Variants in ITPRID1 observed in about 807,000 individuals in gnomAD.
ITPRID1 encodes the protein protein ITPRID1.
In ITPRID1, 96 loss-of-function variants were observed where a neutral mutation model predicts 95.4. The observed-to-expected ratio is 1.01, with a 90% confidence interval of 0.85 to 1.19. ITPRID1 has a LOEUF of 1.19. ITPRID1 is among the 50% of genes most tolerant of loss of function. ITPRID1 has a pLI of 0.00. For synonymous variants in ITPRID1, 510 were observed against 453.6 expected (o/e 1.12, Z -1.58); for missense variants, 1,339 against 1,252.9 (o/e 1.07, Z -1.04).
intron 10 of ITPRID1, among the ~76,000 whole-genome samples, chr7:31,637,199 G>A (rs1468468548): frequency 1.3e-5 from 2 of 152,120 alleles, no homozygotes; most frequent in East Asian, 1.9e-4. Context: ...ATAAACATAC[G>A]TGTGCATGTG....
chr7:31,643,118 C>T lies in ITPRID1; in HGVS notation c.1748C>T (p.Pro583Leu), dbSNP rs1790173848. 6.2e-7 allele frequency: 1 copy of T among 1,613,930 alleles called. No homozygotes were observed. Among genetic ancestry groups the T allele is most frequent in the Non-Finnish European group, 8.5e-7 (1 of 1,179,874 alleles). The change falls in exon 12 of 15, where the codon CCT becomes CTT. Residue 583 changes from proline (P) to leucine (L), a missense_variant. Transcript: ENST00000615280. Reference protein sequence around the residue: ...VTEMQDSFVRPEGAGKVQSHH... With the variant: ...VTEMQDSFVRLEGAGKVQSHH... ...GAAATGCAGGACAGTTTTGTGAGGC[C>T]TGAGGGAGCTGGCAAAGTGCAAAGC...
At chr7:31,567,907 C>T (rs1784855177) in intron 5 of ITPRID1, among the ~76,000 whole-genome samples, 1 of 152,116 alleles carries the variant, frequency 6.6e-6, no homozygotes, top group Non-Finnish European at 1.5e-5. Context: ...AGGTGGATCG[C>T]TTGAGGCCAG....
Position 31,551,825 on chromosome 7 carries a change from C to T in ITPRID1, c.-23-1177C>T, listed in dbSNP as rs1784292687. On this transcript the variant is annotated intron_variant, in intron 2 of 14. Coordinates refer to ENST00000615280, the MANE Select transcript of ITPRID1 (RefSeq NM_001257967.3). Reference sequence around the variant, plus strand: ...TGATTATGCATTAAGTTTAGGGATCCTAGAAATGCTACTGAAGTAAGTGTT... The same window carrying T: ...TGATTATGCATTAAGTTTAGGGATCTTAGAAATGCTACTGAAGTAAGTGTT... The T allele has an allele frequency of 3.8e-5, 14 of 368,728 alleles. 2 individuals are homozygous for T. The highest frequency in any genetic ancestry group is 2.8e-4 in the South Asian group (14 of 49,906). The allele number at this position is 368,728 out of a possible 1,614,324, so 22.8% of individuals were successfully genotyped here. A position where few individuals can be genotyped will look rare whatever the true frequency, so the allele number is the denominator to read the frequency against.
chr7:31,556,792 C>T (rs1230907143), intron 5 of ITPRID1, among the ~76,000 whole-genome samples: 1 of 151,996 alleles, frequency 6.6e-6, no homozygotes, highest in East Asian at 1.9e-4. Flanking sequence ...CCTAGGGCAG[C>T]AGTAACAAAT....
chr7:31,622,783 C>T (rs1363742336), intron 10 of ITPRID1, among the ~76,000 whole-genome samples: 2 of 151,966 alleles, frequency 1.3e-5, no homozygotes, highest in African/African-American at 4.8e-5. Flanking sequence ...GAAATAGAGA[C>T]ACAAAAAACC....
At chr7:31,632,972 C>T (rs942760649) in intron 10 of ITPRID1, among the ~76,000 whole-genome samples, 7 of 151,944 alleles carry the variant, frequency 4.6e-5, no homozygotes, top group East Asian at 1.9e-4. Context: ...CTGCAACCTC[C>T]GACTCCCTGG....
At chr7:31,631,822 T>C (rs1269526110) in intron 10 of ITPRID1, among the ~76,000 whole-genome samples, 16 of 152,238 alleles carry the variant, frequency 1.1e-4, no homozygotes, top group Admixed American at 7.9e-4. Context: ...ACTTTTGGCA[T>C]AGAAAAATAA....
chr7:31,633,938 C>G (rs1431253516), intron 10 of ITPRID1, among the ~76,000 whole-genome samples: 1 of 152,202 alleles, frequency 6.6e-6, no homozygotes, highest in African/African-American at 2.4e-5. Context: ...TCTGTGAACT[C>G]AGACTATTTT....
chr7:31,658,560 G>T, downstream of ITPRID1: 1 of 417,786 alleles, frequency 2.4e-6, no homozygotes, highest in Non-Finnish European at 4.0e-6. Flanking sequence ...ATTTCAAATT[G>T]TAATTTAAAA....
chr7:31,656,748 G>A (rs993872387), downstream of ITPRID1, among the ~76,000 whole-genome samples: 6 of 152,134 alleles, frequency 3.9e-5, no homozygotes, highest in East Asian at 1.9e-4. Flanking sequence ...CATGTGTGAT[G>A]GAGGAGAGAA....
Position 31,651,952 on chromosome 7 carries a change from C to CA in ITPRID1, c.2727dup (p.Leu910ThrfsTer6). On this transcript the variant is annotated frameshift_variant, in exon 14 of 15. Coordinates refer to ENST00000615280, the MANE Select transcript of ITPRID1 (RefSeq NM_001257967.3). LOFTEE classifies it high-confidence loss of function. ...ATTTACTTGCAGGGAGGAGGCCGAGCAACTGCAAACGTTACGTGAGGCCCT... is the reference window on the plus strand; with the variant it reads ...ATTTACTTGCAGGGAGGAGGCCGAGCAAACTGCAAACGTTACGTGAGGCCCT... 6.3e-7 allele frequency: 1 copy of CA among 1,596,844 alleles called. No individual in the cohort carries two copies. The highest frequency in any genetic ancestry group is 8.5e-7 in the Non-Finnish European group (1 of 1,171,606).
chr7:31,642,699 C>T lies in ITPRID1; in HGVS notation c.1329C>T (p.Asn443=). 6.2e-7 allele frequency: 1 copy of T among 1,613,416 alleles called. No individual in the cohort carries two copies. The highest frequency in any genetic ancestry group is 8.5e-7 in the Non-Finnish European group (1 of 1,179,540). The change falls in exon 12 of 15, where the codon AAC becomes AAT. Residue 443 remains asparagine (N), a synonymous_variant. Transcript: ENST00000615280. ...CCCTACAGATGCCTTCCTTGCCAAA[C>T]AGCCAGAGTCCTGCTGAGAATGGAG... ...PLPLQMPSLP[N]SQSPAENGGR...
intron 10 of ITPRID1, among the ~76,000 whole-genome samples, chr7:31,632,758 G>A (rs1433224207): frequency 2.6e-5 from 4 of 152,074 alleles, no homozygotes; most frequent in Non-Finnish European, 4.4e-5. Context: ...TGGGTGACAG[G>A]TTTTACAGCA....
Position 31,622,207 on chromosome 7 carries a change from G to A in ITPRID1, c.1229-19969G>A, listed in dbSNP as rs1478206445. On this transcript the variant is annotated intron_variant, in intron 10 of 14. Coordinates refer to ENST00000615280, the MANE Select transcript of ITPRID1 (RefSeq NM_001257967.3). ...ATTAGACAGATCAACGAGAGAGAAA[G>A]TCAACAAGGATACCCAGGAATTGAC... Among the ~76,000 whole-genome samples the A allele has an allele frequency of 5.6e-4, 79 of 142,020 alleles. No individual in the cohort carries two copies. The East Asian group carries it at 0.016, about 29-fold the overall frequency. 93.2% of individuals were successfully genotyped at this position (142,020 alleles called of 152,430 possible). A position where few individuals can be genotyped will look rare whatever the true frequency, so the allele number is the denominator to read the frequency against.
At chr7:31,651,512 G>A (rs1259196497) in intron 13 of ITPRID1, among the ~76,000 whole-genome samples, 2 of 152,172 alleles carry the variant, frequency 1.3e-5, no homozygotes, top group Non-Finnish European at 2.9e-5. Flanking sequence ...ATTGACAGCA[G>A]GATGTCTTTA....
chr7:31,601,016 T>G (rs1786372659), intron 10 of ITPRID1, among the ~76,000 whole-genome samples: 2 of 152,158 alleles, frequency 1.3e-5, no homozygotes, highest in African/African-American at 4.8e-5. Flanking sequence ...TGTAAGACTT[T>G]AACTGTCTTT....
rs1790170644 is a variant in ITPRID1 at position 31,643,076 on chromosome 7, T to C, written c.1706T>C (p.Met569Thr). 2 of 1,613,896 alleles carry C rather than the reference T, an allele frequency of 1.2e-6. No individual in the cohort carries two copies. Among genetic ancestry groups the C allele is most frequent in the East Asian group, 2.2e-5 (1 of 44,884 alleles). The change falls in exon 12 of 15, where the codon ATG becomes ACG. Residue 569 changes from methionine (M) to threonine (T), a missense_variant. Physicochemically the swap from Met to Thr is moderately conservative, Grantham distance 81 (BLOSUM62 -1). Coordinates refer to ENST00000615280, the MANE Select transcript of ITPRID1 (RefSeq NM_001257967.3). ...AAATATGATCATCCTCTGGGGTTTA[T>C]GGTAACCCACGTCACAGAAATGCAG... ...TSKYDHPLGF[M>T]VTHVTEMQDS...
intron 1 of ITPRID1, among the ~76,000 whole-genome samples, chr7:31,516,864 C>T (rs1783058286): frequency 6.6e-6 from 1 of 152,128 alleles, no homozygotes; most frequent in Non-Finnish European, 1.5e-5. Context: ...AAGCCACAGA[C>T]CCTCGTGTTA....
intron 10 of ITPRID1, among the ~76,000 whole-genome samples, chr7:31,594,309 T>C (rs998202271): frequency 1.3e-5 from 2 of 152,200 alleles, no homozygotes; most frequent in African/African-American, 2.4e-5. Flanking sequence ...TTTCTCAGAA[T>C]GTGTCCCTGT....
Sources: gnomAD v4.1 joint callset for allele counts (sites outside exome capture counted in the v4.1 genomes callset) on GRCh38, gnomAD v4.1.1 for gene constraint, MANE v1.5 for transcripts, NCBI Gene and HGNC (gene_info 2026-07-23, HGNC 2026-07-21) for gene names.